IPO8: variants seen among roughly 807,000 people sequenced by gnomAD.
The protein encoded by IPO8 is importin 8, also known as importin-8.
Under a neutral mutation model 141.2 loss-of-function variants are expected in IPO8, and 65 were observed. The observed-to-expected ratio is 0.46, with a 90% confidence interval of 0.38 to 0.57. The LOEUF (loss-of-function observed/expected upper bound fraction) is 0.57. Among genes scored for constraint, IPO8 ranks in the 20% least tolerant of loss-of-function variants. IPO8 has a pLI of 0.00. For missense variants in IPO8, 980 were observed against 1,246.8 expected, an observed-to-expected ratio of 0.79 and a Z score of 3.22; for synonymous variants, 411 against 420.3, an observed-to-expected ratio of 0.98 and a Z score of 0.27.
chr12:30,671,645 G>T (rs2053051960), intron 8 of IPO8, among the ~76,000 whole-genome samples: 1 of 127,998 alleles, frequency 7.8e-6, no homozygotes. Flanking sequence ...CTGCACTCCA[G>T]CCCTGGGTGA....
At chr12:30,687,125 C>CT (rs1232342855) in intron 2 of IPO8, among the ~76,000 whole-genome samples, 1 of 152,014 alleles carries the variant, frequency 6.6e-6, no homozygotes, top group Non-Finnish European at 1.5e-5. Flanking sequence ...AAACAAAGGA[C>CT]TAATATCATG....
rs976678116 is a variant in IPO8, at chr12:30,629,958, C to A, written c.*902G>T. 26 of 152,144 alleles carry A rather than the reference C, an allele frequency of 1.7e-4. No individual in the cohort carries two copies. Among genetic ancestry groups the A allele is most frequent in the African/African-American group, 4.8e-5 (2 of 41,430 alleles). 9.4% of individuals were successfully genotyped at this position (152,144 alleles called of 1,614,324 possible). On this transcript the variant is annotated 3_prime_UTR_variant, in exon 25 of 25. Coordinates refer to ENST00000256079, the MANE Select transcript of IPO8 (RefSeq NM_006390.4). ...CCCATCCAGAAAGACAGTGTGCTTA[C>A]GTAGCACCTGTCTCTTAGAAGTTCA...
chr12:30,679,416 T>C (rs2053162429), intron 5 of IPO8, among the ~76,000 whole-genome samples: 1 of 152,232 alleles, frequency 6.6e-6, no homozygotes, highest in Admixed American at 6.5e-5. Flanking sequence ...TTAGCCTTTG[T>C]CTTACTTCCC....
chr12:30,695,653 C>G lies in IPO8; in HGVS notation c.-6G>C, dbSNP rs2053332088. ...ATGATCCGGTTGAGGTCCATCTCCC[C>G]GGGTGGGGGCTCCGCGGCCCCCGGA... On this transcript the variant is annotated 5_prime_UTR_variant, in exon 1 of 25. Coordinates refer to ENST00000256079, the MANE Select transcript of IPO8 (RefSeq NM_006390.4). This position sits in a 1 kb window ranked among gnomAD's most constrained non-coding sequence, Gnocchi z 4.2. 4 of 1,613,018 alleles carry G rather than the reference C, an allele frequency of 2.5e-6. No individual in the cohort carries two copies. The highest frequency in any genetic ancestry group is 3.4e-6 in the Non-Finnish European group (4 of 1,179,158).
intron 22 of IPO8, among the ~76,000 whole-genome samples, chr12:30,635,721 T>C (rs1001596620): frequency 2.6e-5 from 4 of 152,074 alleles, no homozygotes; most frequent in African/African-American, 4.8e-5. Context: ...AGCAGGTAGA[T>C]TGAACTAGGT....
Position 30,694,845 on chromosome 12 carries a change from A to T in IPO8, c.84+719T>A, listed in dbSNP as rs566780654. ...AAGAAGAAATAAGCTGGAGTTTGGGATCATTAAAATTTTGAAGTGTGGGGG... is the reference window on the plus strand; with the variant it reads ...AAGAAGAAATAAGCTGGAGTTTGGGTTCATTAAAATTTTGAAGTGTGGGGG... On this transcript the variant is annotated intron_variant, in intron 1 of 24. Coordinates refer to ENST00000256079, the MANE Select transcript of IPO8 (RefSeq NM_006390.4). The T allele has an allele frequency of 3.8e-4, 139 of 364,518 alleles. No homozygotes were observed. The Middle Eastern group carries it at 7.2e-3, about 19-fold the overall frequency. The allele number at this position is 364,518 out of a possible 1,614,324, so 22.6% of individuals were successfully genotyped here.
intron 1 of IPO8, chr12:30,694,883 G>A: frequency 4.9e-6 from 2 of 410,612 alleles, no homozygotes; most frequent in South Asian, 3.4e-5. Context: ...ACGCTGGAAA[G>A]ACGTCAAGGC....
chr12:30,681,563 A>G, intron 4 of IPO8, 96 bp downstream of exon 4: 1 of 1,102,010 alleles, frequency 9.1e-7, no homozygotes. Context: ...TAATCTGATA[A>G]CCTGTGCAGA....
chr12:30,643,520 C>G (rs891887531), intron 20 of IPO8, among the ~76,000 whole-genome samples: 1 of 152,162 alleles, frequency 6.6e-6, no homozygotes, highest in Non-Finnish European at 1.5e-5. Flanking sequence ...GAAATTTGAT[C>G]CCCAGTGTGG....
chr12:30,647,492 G>GCAGTCC (rs1181056075), intron 20 of IPO8, among the ~76,000 whole-genome samples: 16 of 150,908 alleles, frequency 1.1e-4, no homozygotes, highest in Non-Finnish European at 2.1e-4. Context: ...GCACGTGCCT[G>GCAGTCC]CAGTCCCAGC....
intron 20 of IPO8, among the ~76,000 whole-genome samples, chr12:30,642,536 A>G (rs1244104777): frequency 6.6e-6 from 1 of 152,022 alleles, no homozygotes; most frequent in Non-Finnish European, 1.5e-5. Context: ...GACCAATCCA[A>G]TATCAATGAA....
intron 2 of IPO8, among the ~76,000 whole-genome samples, 178 bp downstream of exon 2, chr12:30,690,318 G>A (rs1471006094): frequency 2.6e-5 from 4 of 152,218 alleles, no homozygotes; most frequent in Non-Finnish European, 1.5e-5. Context: ...TGAGAGCTCA[G>A]TATCTACCTC....
chr12:30,682,962 G>T lies in IPO8; in HGVS notation c.324-1145C>A, dbSNP rs566810236. Among the ~76,000 whole-genome samples, 7 of 152,158 alleles carry T rather than the reference G, an allele frequency of 4.6e-5. No homozygotes were observed. In the South Asian group the frequency reaches 1.2e-3, roughly 27 times the overall value. On this transcript the variant is annotated intron_variant, in intron 3 of 24. Coordinates refer to ENST00000256079, the MANE Select transcript of IPO8 (RefSeq NM_006390.4). ...GAACCGTCCCGTAATAAAGATAAAA[G>T]ATCTCCTTTAGTGCCAGTAGTAGCT...
At chr12:30,676,815 T>G in intron 5 of IPO8, 1 of 1,063,228 alleles carries the variant, frequency 9.4e-7, no homozygotes, top group South Asian at 1.4e-5. Flanking sequence ...GGTCTACTTT[T>G]TAAAAGGAAA....
intron 2 of IPO8, among the ~76,000 whole-genome samples, chr12:30,689,442 G>A (rs943243348): frequency 3.2e-4 from 49 of 152,072 alleles, no homozygotes; most frequent in African/African-American, 1.2e-3. Context: ...AATTTACACA[G>A]AAGTCTTGTA....
chr12:30,645,513 C>T (rs141869304), intron 20 of IPO8, among the ~76,000 whole-genome samples: 4 of 150,960 alleles, frequency 2.6e-5, no homozygotes, highest in East Asian at 2.0e-4. Context: ...AGCAAGCAGA[C>T]GGGAAAAAAT....
At chr12:30,666,642 A>C (rs879541975) in intron 10 of IPO8, among the ~76,000 whole-genome samples, 1 of 152,210 alleles carries the variant, frequency 6.6e-6, no homozygotes, top group African/African-American at 2.4e-5. Context: ...CACGGAGCTT[A>C]TGTCGTGAAA....
chr12:30,695,833 T>TC lies in IPO8; in HGVS notation c.-187_-186insG, dbSNP rs2053335467. The TC allele has an allele frequency of 3.9e-6, 2 of 514,388 alleles. No individual in the cohort carries two copies. The highest frequency in any genetic ancestry group is 7.0e-6 in the Non-Finnish European group (2 of 286,344). 31.9% of individuals were successfully genotyped at this position (514,388 alleles called of 1,614,324 possible). A position where few individuals can be genotyped will look rare whatever the true frequency, so the allele number is the denominator to read the frequency against. ...ACTCCGCGCCCCCTGTCCTCCCTTTTTCCCCCCCACAACTCGCTCTCCATT... is the reference window on the plus strand; with the variant it reads ...ACTCCGCGCCCCCTGTCCTCCCTTTTCTCCCCCCCACAACTCGCTCTCCATT... On this transcript the variant is annotated 5_prime_UTR_variant, in exon 1 of 25. The change abolishes the stop of an existing upstream ORF in the 5' untranslated region. Transcript: ENST00000256079. This position sits in a 1 kb window ranked among gnomAD's most constrained non-coding sequence, Gnocchi z 4.2.
intron 21 of IPO8, among the ~76,000 whole-genome samples, 196 bp from the exon 22 acceptor site, chr12:30,637,383 C>T (rs1219568607): frequency 6.6e-6 from 1 of 152,066 alleles, no homozygotes; most frequent in Non-Finnish European, 1.5e-5. Context: ...TTTCAAAGAC[C>T]TATTGGGAGT....
Sources: allele counts gnomAD v4.1 joint callset (sites outside exome capture counted in the v4.1 genomes callset), GRCh38; gene constraint gnomAD v4.1.1; non-coding constraint Gnocchi (gnomAD v3.1); transcripts MANE v1.5; gene names NCBI Gene and HGNC (gene_info 2026-07-23, HGNC 2026-07-21).